PCSK2: variants seen among roughly 807,000 people sequenced by gnomAD.
PCSK2 encodes neuroendocrine convertase 2.
A neutral mutation model predicts 69.7 loss-of-function variants in PCSK2; 14 were observed. The observed-to-expected ratio is 0.20, with a 90% CI of 0.13 to 0.31. The LOEUF (loss-of-function observed/expected upper bound fraction) is 0.31. Among genes scored for constraint, PCSK2 ranks in the 10% least tolerant of loss-of-function variants. The pLI, the probability that PCSK2 is intolerant of heterozygous loss-of-function variation, is 1.00. For missense variants in PCSK2, 544 were observed against 842.5 expected (o/e 0.65, Z 4.39); for synonymous variants, 307 against 320.7 (o/e 0.96, Z 0.46).
intron 4 of PCSK2, among the ~76,000 whole-genome samples, chr20:17,365,057 C>T (rs1262912701): frequency 6.6e-6 from 1 of 152,094 alleles, no homozygotes; most frequent in East Asian, 1.9e-4. Flanking sequence ...TGCCTTAGTC[C>T]GTTCCTGATG....
chr20:17,383,090 G>A (rs182260960), intron 5 of PCSK2, among the ~76,000 whole-genome samples: 5 of 152,290 alleles, frequency 3.3e-5, no homozygotes, highest in Admixed American at 2.0e-4. Flanking sequence ...CTCTTTATCC[G>A]CAGCACAGCA....
rs1262355858 is a variant in PCSK2 at position 17,303,509 on chromosome 20, T to A, written c.282+43165T>A. On this transcript the variant is annotated intron_variant, in intron 2 of 11. Coordinates refer to ENST00000262545, the MANE Select transcript of PCSK2 (RefSeq NM_002594.5). ...ATATTATATTTAATATAATATATAT[T>A]ATATATAATATAATATATATTATAT... 5.9e-4 allele frequency among the ~76,000 whole-genome samples: 23 copies of A among 39,012 alleles called. 1 individual carries two copies. In the East Asian group the frequency reaches 0.014, roughly 24 times the overall value. The allele number at this position is 39,012 out of a possible 152,430, so 25.6% of individuals were successfully genotyped here.
rs139719290 is a variant in PCSK2 at position 17,413,128 on chromosome 20, G to A, written c.620+3789G>A. The stretch of plus-strand genomic sequence containing the variant: ...CTAGGAAGAAACTGCATCAACTAAC[G>A]GGCAAAATAACCAGCTAACATCATA... On this transcript the variant is annotated intron_variant, in intron 6 of 11. Transcript: ENST00000262545. 4.4e-3 allele frequency among the ~76,000 whole-genome samples: 671 copies of A among 152,158 alleles called. 17 individuals are homozygous for A. The highest frequency in any genetic ancestry group is 0.031 in the East Asian group (162 of 5,160).
At chr20:17,392,420 T>C (rs999034234) in intron 5 of PCSK2, among the ~76,000 whole-genome samples, 13 of 152,226 alleles carry the variant, frequency 8.5e-5, no homozygotes, top group African/African-American at 3.1e-4. Context: ...CACTTTATTA[T>C]TACTTAAAAT....
intron 11 of PCSK2, among the ~76,000 whole-genome samples, chr20:17,476,857 C>G (rs183870979): frequency 1.3e-5 from 2 of 152,190 alleles, no homozygotes; most frequent in African/African-American, 4.8e-5. Flanking sequence ...CTCATTACCC[C>G]GACCCGCAAA....
chr20:17,422,763 G>A (rs1466092336), intron 6 of PCSK2, among the ~76,000 whole-genome samples: 2 of 152,166 alleles, frequency 1.3e-5, no homozygotes, highest in Non-Finnish European at 2.9e-5. Context: ...ATATGAGATT[G>A]TAGGGTTAGC....
At chr20:17,479,615 C>T (rs2033356231) in intron 11 of PCSK2, among the ~76,000 whole-genome samples, 1 of 151,962 alleles carries the variant, frequency 6.6e-6, no homozygotes. Flanking sequence ...ATGGCTAACA[C>T]GGTGAAACTC....
intron 2 of PCSK2, among the ~76,000 whole-genome samples, chr20:17,294,244 A>C (rs1443711523): frequency 2.0e-5 from 3 of 150,924 alleles, no homozygotes; most frequent in Admixed American, 1.3e-4. Context: ...AGCTGGGACT[A>C]CAGGCGCCCG....
chr20:17,347,398 C>CAACT (rs1990679098), intron 2 of PCSK2, among the ~76,000 whole-genome samples: 1 of 152,162 alleles, frequency 6.6e-6, no homozygotes, highest in Admixed American at 6.5e-5. Flanking sequence ...GGCGGCAAAG[C>CAACT]AGATGAACTA....
At chr20:17,404,252 T>C (rs930855464) in intron 5 of PCSK2, among the ~76,000 whole-genome samples, 1 of 152,234 alleles carries the variant, frequency 6.6e-6, no homozygotes, top group African/African-American at 2.4e-5. Context: ...ACCACAGAGT[T>C]TGCCCCTCAG....
intron 2 of PCSK2, among the ~76,000 whole-genome samples, chr20:17,354,329 G>A (rs532463094): frequency 6.6e-6 from 1 of 152,164 alleles, no homozygotes; most frequent in South Asian, 2.1e-4. Context: ...TCTGAGAAGG[G>A]GAATAATTAA....
At chr20:17,419,533 T>C (rs1025881522) in intron 6 of PCSK2, among the ~76,000 whole-genome samples, 6 of 152,352 alleles carry the variant, frequency 3.9e-5, no homozygotes, top group African/African-American at 1.4e-4. Flanking sequence ...ATAACTGATT[T>C]GCTGAGAGCT....
At chr20:17,415,130 C>T (rs150103203) in intron 6 of PCSK2, among the ~76,000 whole-genome samples, 4 of 152,282 alleles carry the variant, frequency 2.6e-5, no homozygotes, top group South Asian at 2.1e-4. Flanking sequence ...CAGCACAAGA[C>T]GAGGATGCCC....
At chr20:17,390,423 T>C (rs1600541686) in intron 5 of PCSK2, among the ~76,000 whole-genome samples, 1 of 152,304 alleles carries the variant, frequency 6.6e-6, no homozygotes, top group Middle Eastern at 3.4e-3. Context: ...AAAAACATGA[T>C]TTAAAGCACA....
At chr20:17,481,219 A>C (rs1217982890) in intron 11 of PCSK2, among the ~76,000 whole-genome samples, 3 of 151,770 alleles carry the variant, frequency 2.0e-5, no homozygotes, top group African/African-American at 7.3e-5. Flanking sequence ...CGTCTCTACT[A>C]AAAATACAAA....
intron 10 of PCSK2, among the ~76,000 whole-genome samples, chr20:17,460,169 C>T (rs535307013): frequency 6.6e-6 from 1 of 151,248 alleles, no homozygotes; most frequent in Non-Finnish European, 1.5e-5. Context: ...ACCATGTTTA[C>T]ATTTCAGGCA....
At chr20:17,226,722 G>A (rs1388056002), upstream of PCSK2, among the ~76,000 whole-genome samples, 1 of 151,788 alleles carries the variant, frequency 6.6e-6, no homozygotes, top group East Asian at 2.0e-4. Flanking sequence ...CAGCTGGGGG[G>A]ATTTTCCTGG....
chr20:17,276,212 G>A (rs975325790), intron 2 of PCSK2, among the ~76,000 whole-genome samples: 2 of 152,080 alleles, frequency 1.3e-5, no homozygotes, highest in Non-Finnish European at 2.9e-5. Context: ...CAAAATGATA[G>A]TTTACAGTTT....
In PCSK2 at chr20:17,234,191, A is replaced by G. The variant is rs1986247029; in HGVS notation, c.177+6709A>G. Among the ~76,000 whole-genome samples, 3 of 152,230 alleles carry G rather than the reference A, an allele frequency of 2.0e-5. No individual in the cohort carries two copies. The South Asian group carries it at 6.2e-4, about 31-fold the overall frequency. On this transcript the variant is annotated intron_variant, in intron 1 of 11. Transcript: ENST00000262545. ...GCCAGATCACAACAAAAATTGTTCC[A>G]AAGTTCTGTGAGAGCACACATATTT... is the stretch of plus-strand genomic sequence containing the variant.
Sources: allele counts gnomAD v4.1 joint callset (sites outside exome capture counted in the v4.1 genomes callset), GRCh38; gene constraint gnomAD v4.1.1; transcripts MANE v1.5; gene names NCBI Gene and HGNC (gene_info 2026-07-23, HGNC 2026-07-21).